CEP85L: variants seen among roughly 807,000 people sequenced by gnomAD.
CEP85L encodes centrosomal protein of 85 kDa-like.
A neutral mutation model predicts 100.3 loss-of-function variants in CEP85L; 60 were observed. The ratio of observed to expected loss-of-function variants is 0.60; its 90% CI spans 0.49 to 0.74. CEP85L has a LOEUF of 0.74. Among genes scored for constraint, CEP85L ranks in the 30% least tolerant of loss-of-function variants. The pLI, the probability that CEP85L is intolerant of heterozygous loss-of-function variation, is 0.00. For missense variants in CEP85L, 973 were observed against 936.2 expected, an observed-to-expected ratio of 1.04 and a Z score of -0.51; for synonymous variants, 319 against 322.7, an observed-to-expected ratio of 0.99 and a Z score of 0.12.
chr6:118,545,580 C>G (rs545543293), intron 3 of CEP85L, among the ~76,000 whole-genome samples: 2 of 152,214 alleles, frequency 1.3e-5, no homozygotes, highest in African/African-American at 2.4e-5. Flanking sequence ...GAGTGAGACT[C>G]CGCACCCCCT....
chr6:118,480,716 T>C (rs1230969162), intron 8 of CEP85L, among the ~76,000 whole-genome samples: 1 of 152,170 alleles, frequency 6.6e-6, no homozygotes, highest in Non-Finnish European at 1.5e-5. Flanking sequence ...AGGCTGATCA[T>C]CTTTTCAGAA....
chr6:118,565,369 T>C (rs1779438995), intron 3 of CEP85L, 160 bp downstream of exon 3: 1 of 682,980 alleles, frequency 1.5e-6, no homozygotes, highest in Non-Finnish European at 2.5e-6. Flanking sequence ...TGCAAGTTTA[T>C]CAACAACACT....
chr6:118,641,873 C>T (rs1348761600), intron 1 of CEP85L, among the ~76,000 whole-genome samples: 1 of 151,998 alleles, frequency 6.6e-6, no homozygotes, highest in African/African-American at 2.4e-5. Context: ...AATATGTCAC[C>T]TAGCATTTCT....
At chr6:118,682,012 G>T (rs980057064) in intron 1 of CEP85L, among the ~76,000 whole-genome samples, 1 of 152,106 alleles carries the variant, frequency 6.6e-6, no homozygotes, top group Admixed American at 6.5e-5. Flanking sequence ...GATTACAGGC[G>T]TGAGCCTGGG....
chr6:118,601,787 C>T (rs1054033814), intron 2 of CEP85L, among the ~76,000 whole-genome samples: 7 of 152,160 alleles, frequency 4.6e-5, no homozygotes, highest in Non-Finnish European at 5.9e-5. Flanking sequence ...ACTGTCATGA[C>T]GCTGGTGGGA....
intron 3 of CEP85L, among the ~76,000 whole-genome samples, chr6:118,558,650 C>G (rs1410626858): frequency 3.5e-4 from 48 of 136,730 alleles, no homozygotes; most frequent in African/African-American, 1.4e-3. Flanking sequence ...CACACACACA[C>G]ACACACACAC....
At chr6:118,690,041 C>A (rs1776984855) in intron 1 of CEP85L, among the ~76,000 whole-genome samples, 1 of 151,978 alleles carries the variant, frequency 6.6e-6, no homozygotes, top group African/African-American at 2.4e-5. Context: ...GCATGAGCCA[C>A]CATGCCTGGC....
intron 1 of CEP85L, among the ~76,000 whole-genome samples, chr6:118,642,792 G>A (rs1340570204): frequency 1.3e-5 from 2 of 152,128 alleles, no homozygotes; most frequent in Non-Finnish European, 2.9e-5. Context: ...GCATGGTGGT[G>A]CACACCTGTA....
At chr6:118,516,522 C>T (rs1776288944) in intron 4 of CEP85L, among the ~76,000 whole-genome samples, 1 of 152,064 alleles carries the variant, frequency 6.6e-6, no homozygotes, top group African/African-American at 2.4e-5. Context: ...AGCTTTTTTT[C>T]ACGTTTGTTG....
At chr6:118,601,068 G>A (rs1781760914) in intron 2 of CEP85L, among the ~76,000 whole-genome samples, 1 of 152,176 alleles carries the variant, frequency 6.6e-6, no homozygotes, top group Non-Finnish European at 1.5e-5. Context: ...CTGTGTGCCT[G>A]TGCTGAGTTA....
chr6:118,505,725 T>C (rs1326075403), intron 5 of CEP85L, among the ~76,000 whole-genome samples: 1 of 152,318 alleles, frequency 6.6e-6, no homozygotes, highest in East Asian at 1.9e-4. Context: ...GTTCAGTGGT[T>C]GCTAGGGGTC....
At chr6:118,650,729 T>C (rs1775497169) in intron 1 of CEP85L, among the ~76,000 whole-genome samples, 2 of 152,102 alleles carry the variant, frequency 1.3e-5, no homozygotes, top group South Asian at 4.1e-4. Context: ...AACCCCAGCC[T>C]GCGCCTACCA....
At chr6:118,560,833 T>C (rs1222226854) in intron 3 of CEP85L, 1 of 153,144 alleles carries the variant, frequency 6.5e-6, no homozygotes. Flanking sequence ...TTTGGTAATT[T>C]AAGTTGACTA....
chr6:118,609,770 GA>G (rs1413369745), intron 2 of CEP85L, among the ~76,000 whole-genome samples: 2 of 148,836 alleles, frequency 1.3e-5, no homozygotes, highest in Non-Finnish European at 3.0e-5. Context: ...AACCAGGATT[GA>G]AAAAAAAACG....
At position 118,651,549 on chromosome 6, in the gene CEP85L, C is replaced by A; in HGVS notation, c.-280G>T. ...CGGCTGCTAGATCCCCGGCTGAGCC[C>A]AGGCTCAAAGGCTCCAGGCGAAGTT... On this transcript the variant is annotated 5_prime_UTR_variant, in exon 1 of 13. Coordinates refer to ENST00000368491, the MANE Select transcript of CEP85L (RefSeq NM_001042475.3). 8.1e-7 allele frequency: 1 copy of A among 1,237,468 alleles called. No homozygotes were observed. The highest frequency in any genetic ancestry group is 3.5e-5 in the East Asian group (1 of 28,612). 76.7% of individuals were successfully genotyped at this position (1,237,468 alleles called of 1,614,324 possible). A position where few individuals can be genotyped will look rare whatever the true frequency, so the allele number is the denominator to read the frequency against.
At chr6:118,481,985 C>A in intron 7 of CEP85L, 52 bp from the exon 8 acceptor site, 3 of 1,036,532 alleles carry the variant, frequency 2.9e-6, no homozygotes, top group South Asian at 2.3e-5. Context: ...AAATACGCTT[C>A]TATTAGAAAC....
chr6:118,525,844 C>T (rs1776930854), intron 3 of CEP85L, among the ~76,000 whole-genome samples: 1 of 152,202 alleles, frequency 6.6e-6, no homozygotes, highest in Non-Finnish European at 1.5e-5. Flanking sequence ...GATGTATAAA[C>T]ACCACAAAGC....
intron 2 of CEP85L, among the ~76,000 whole-genome samples, chr6:118,569,156 C>T (rs1046342462): frequency 2.0e-5 from 3 of 151,442 alleles, no homozygotes; most frequent in Admixed American, 6.6e-5. Flanking sequence ...CCTTCACCAA[C>T]AATAATGAAA....
chr6:118,486,712 AC>A (rs2114573103), intron 6 of CEP85L, among the ~76,000 whole-genome samples: 1 of 152,260 alleles, frequency 6.6e-6, no homozygotes, highest in Admixed American at 6.5e-5. Flanking sequence ...TCTGGTATGT[AC>A]ATTTCCATTC....
Sources: gnomAD v4.1 joint callset for allele counts (sites outside exome capture counted in the v4.1 genomes callset) on GRCh38, gnomAD v4.1.1 for gene constraint, MANE v1.5 for transcripts, NCBI Gene and HGNC (gene_info 2026-07-23, HGNC 2026-07-21) for gene names.